FANCL: variants seen among roughly 807,000 people sequenced by gnomAD.
The protein encoded by FANCL is E3 ubiquitin-protein ligase FANCL.
A neutral mutation model predicts 59.4 loss-of-function variants in FANCL; 69 were observed. The ratio of observed to expected loss-of-function variants is 1.16; its 90% CI spans 0.96 to 1.42. FANCL has a LOEUF of 1.42. FANCL is among the 40% of genes most tolerant of loss of function. The pLI is 0.00. For synonymous variants in FANCL, 180 were observed against 147.1 expected, an observed-to-expected ratio of 1.22 and a Z score of -1.62; for missense variants, 519 against 447.2, an observed-to-expected ratio of 1.16 and a Z score of -1.45.
In FANCL at chr2:58,159,783, C is replaced by T; in HGVS notation, c.1110G>A (p.Met370Ile). The T allele has an allele frequency of 3.1e-6, 5 of 1,613,104 alleles. No homozygotes were observed. The highest frequency in any genetic ancestry group is 3.4e-6 in the Non-Finnish European group (4 of 1,179,572). The change falls in exon 14 of 14, where the codon ATG (methionine) becomes ATA (isoleucine). Residue 370 changes from methionine to isoleucine, a missense_variant. By Grantham distance (10) the Met-to-Ile change is conservative. Transcript: ENST00000233741. Reference sequence around the variant, plus strand: ...TCTTATTTCAGTGTTTCCTTCCAGACATTTTTAAGGTAATTGGCTTTAAAA... The same window carrying T: ...TCTTATTTCAGTGTTTCCTTCCAGATATTTTTAAGGTAATTGGCTTTAAAA... ...PYCSKPITLK[M>I]SGRKH is the part of the protein sequence containing the mutation.
At chr2:58,188,907 C>T (rs1688664347) in intron 7 of FANCL, among the ~76,000 whole-genome samples, 1 of 152,076 alleles carries the variant, frequency 6.6e-6, no homozygotes, top group Non-Finnish European at 1.5e-5. Flanking sequence ...ATATGTGGCA[C>T]ATCCATCAAT....
chr2:58,231,443 G>C (rs1489479559), intron 2 of FANCL, among the ~76,000 whole-genome samples: 1 of 152,148 alleles, frequency 6.6e-6, no homozygotes, highest in African/African-American at 2.4e-5. Context: ...TCTGAGCCGG[G>C]AATTTGAAAA....
chr2:58,211,721 ATC>A (rs1454369500), intron 5 of FANCL, among the ~76,000 whole-genome samples: 2 of 152,184 alleles, frequency 1.3e-5, no homozygotes, highest in African/African-American at 4.8e-5. Context: ...ACCCTAAATC[ATC>A]TCTCTCAAGT....
intron 7 of FANCL, among the ~76,000 whole-genome samples, chr2:58,175,789 T>C (rs544385444): frequency 1.3e-5 from 2 of 151,934 alleles, no homozygotes; most frequent in Non-Finnish European, 2.9e-5. Flanking sequence ...CCAGGGCAAT[T>C]AGGCAGGAGA....
In FANCL at chr2:58,219,031, A is replaced by C. The variant is rs889714620; in HGVS notation, c.374+2911T>G. Among the ~76,000 whole-genome samples the C allele has an allele frequency of 2.0e-5, 3 of 150,432 alleles. No individual in the cohort carries two copies. The Admixed American group carries it at 2.0e-4, about 10-fold the overall frequency. On this transcript the variant is annotated intron_variant, in intron 5 of 13. Transcript: ENST00000233741. ...CATAGTGCCCACATCCTAGTTTCTAATACCACTCACAAATAAAAGCAACCA... is the reference window on the plus strand; with the variant it reads ...CATAGTGCCCACATCCTAGTTTCTACTACCACTCACAAATAAAAGCAACCA...
rs1368647120 is a variant in FANCL, at chr2:58,233,945, A to G, written c.97-1833T>C. 2.0e-5 allele frequency among the ~76,000 whole-genome samples: 3 copies of G among 152,140 alleles called. No individual in the cohort carries two copies. The East Asian group carries it at 5.8e-4, about 29-fold the overall frequency. The stretch of plus-strand genomic sequence containing the variant: ...AGTGGGAAACTTAGGCTCTTATACG[A>G]GTAAATAAAAAAACAACTCCTTCCC... On this transcript the variant is annotated intron_variant, in intron 1 of 13. Coordinates refer to ENST00000233741, the MANE Select transcript of FANCL (RefSeq NM_018062.4).
At chr2:58,230,098 C>G (rs1053288245) in intron 2 of FANCL, among the ~76,000 whole-genome samples, 7 of 152,118 alleles carry the variant, frequency 4.6e-5, no homozygotes, top group Non-Finnish European at 8.8e-5. Context: ...GACATGCAAA[C>G]AGTACATCTT....
Position 58,188,331 on chromosome 2 carries a change from T to A in FANCL, c.540+10263A>T, listed in dbSNP as rs577584491. On this transcript the variant is annotated intron_variant, in intron 7 of 13. Coordinates refer to ENST00000233741, the MANE Select transcript of FANCL (RefSeq NM_018062.4). The stretch of plus-strand genomic sequence containing the variant: ...TTTTAAGTCTTGAAATCAGGTTGTG[T>A]TAGTCTTCTAACTTTTTTTCTTTTT... Among the ~76,000 whole-genome samples the A allele has an allele frequency of 2.0e-5, 3 of 152,310 alleles. No individual in the cohort carries two copies. The East Asian group carries it at 5.8e-4, about 29-fold the overall frequency.
At chr2:58,229,673 C>A (rs1445966190) in intron 3 of FANCL, 141 bp downstream of exon 3, 10 of 673,802 alleles carry the variant, frequency 1.5e-5, no homozygotes, top group South Asian at 3.6e-5. Flanking sequence ...GATTTAAAAA[C>A]ACACAGAGAT....
intron 7 of FANCL, among the ~76,000 whole-genome samples, chr2:58,185,289 T>C (rs1688292591): frequency 1.3e-5 from 2 of 152,122 alleles, no homozygotes. Flanking sequence ...CTTAATGAAA[T>C]TCTCTGCACC....
intron 4 of FANCL, 48 bp from the exon 5 acceptor site, chr2:58,222,090 G>T: frequency 3.8e-6 from 5 of 1,320,776 alleles, no homozygotes; most frequent in South Asian, 1.2e-5. Context: ...GCAAGACAAT[G>T]AACTGTTAAT....
At chr2:58,202,475 A>C (rs1408644768) in intron 6 of FANCL, among the ~76,000 whole-genome samples, 1 of 151,686 alleles carries the variant, frequency 6.6e-6, no homozygotes, top group Non-Finnish European at 1.5e-5. Flanking sequence ...CTAATAAATC[A>C]TACCAACATA....
At chr2:58,171,638 A>C (rs568156956) in intron 7 of FANCL, among the ~76,000 whole-genome samples, 1 of 152,372 alleles carries the variant, frequency 6.6e-6, no homozygotes, top group South Asian at 2.1e-4. Context: ...AAGATGGCCG[A>C]ATAGGAACAG....
intron 5 of FANCL, among the ~76,000 whole-genome samples, chr2:58,206,572 A>G (rs188651766): frequency 1.3e-5 from 2 of 152,280 alleles, no homozygotes; most frequent in Admixed American, 1.3e-4. Context: ...AATGTTTAAA[A>G]TCATTTTTTA....
At chr2:58,168,496 G>T (rs2104839215) in intron 7 of FANCL, among the ~76,000 whole-genome samples, 1 of 152,202 alleles carries the variant, frequency 6.6e-6, no homozygotes, top group South Asian at 2.1e-4. Context: ...CAGGGCCCTG[G>T]GTTTCAAGCA....
intron 8 of FANCL, among the ~76,000 whole-genome samples, chr2:58,165,021 A>G (rs1304463337): frequency 1.3e-5 from 2 of 152,168 alleles, no homozygotes; most frequent in African/African-American, 2.4e-5. Flanking sequence ...TCTATTTAGA[A>G]AAAAAGAAAT....
intron 7 of FANCL, among the ~76,000 whole-genome samples, chr2:58,189,422 G>A (rs1174498841): frequency 6.6e-6 from 1 of 151,958 alleles, no homozygotes; most frequent in Non-Finnish European, 1.5e-5. Context: ...CTCACAGTAA[G>A]GACAAAGAAT....
At chr2:58,235,406 G>T (rs912564801) in intron 1 of FANCL, among the ~76,000 whole-genome samples, 1 of 152,106 alleles carries the variant, frequency 6.6e-6, no homozygotes, top group Non-Finnish European at 1.5e-5. Flanking sequence ...GTGCTCAGAA[G>T]GTGTTGCTTC....
chr2:58,209,604 A>G (rs1018746450), intron 5 of FANCL, among the ~76,000 whole-genome samples: 4 of 152,204 alleles, frequency 2.6e-5, no homozygotes, highest in African/African-American at 7.2e-5. Flanking sequence ...CAGTTGAACT[A>G]GTATCTCAAC....
Sources: gnomAD v4.1 joint callset for allele counts (sites outside exome capture counted in the v4.1 genomes callset) on GRCh38, gnomAD v4.1.1 for gene constraint, MANE v1.5 for transcripts, NCBI Gene and HGNC (gene_info 2026-07-23, HGNC 2026-07-21) for gene names.